The following PTCHD4 variants were observed in gnomAD, a reference collection of about 807,000 sequenced individuals.
PTCHD4 encodes patched domain-containing protein 4.
Under a neutral mutation model 58.1 loss-of-function variants are expected in PTCHD4, and 33 were observed. The ratio of observed to expected loss-of-function variants is 0.57; its 90% CI spans 0.43 to 0.76. The LOEUF (loss-of-function observed/expected upper bound fraction) is 0.76. PTCHD4 is among the 30% of genes least tolerant of loss of function. The pLI is 0.00. For synonymous variants in PTCHD4, 478 were observed against 409.6 expected (o/e 1.17, Z -2.02); for missense variants, 1,058 against 1,027.1 (o/e 1.03, Z -0.41).
chr6:48,029,825 T>G (rs1465615737), intron 3 of PTCHD4, among the ~76,000 whole-genome samples: 1 of 152,142 alleles, frequency 6.6e-6, no homozygotes, highest in Non-Finnish European at 1.5e-5. Context: ...AAATCAGATA[T>G]GACCACAGAG....
chr6:47,888,272 G>A (rs1175323181), intron 4 of PTCHD4, among the ~76,000 whole-genome samples: 1 of 152,172 alleles, frequency 6.6e-6, no homozygotes, highest in Non-Finnish European at 1.5e-5. Flanking sequence ...CAGGAGAATG[G>A]GGTGAACCCG....
chr6:47,934,646 G>A (rs1212360896), intron 4 of PTCHD4, among the ~76,000 whole-genome samples: 1 of 152,040 alleles, frequency 6.6e-6, no homozygotes, highest in Non-Finnish European at 1.5e-5. Flanking sequence ...TAGACTCCTA[G>A]AACTGTATTT....
At chr6:47,963,221 C>G (rs1767164173) in intron 4 of PTCHD4, among the ~76,000 whole-genome samples, 1 of 150,694 alleles carries the variant, frequency 6.6e-6, no homozygotes. Flanking sequence ...TAAACACATG[C>G]CAACAAATAT....
chr6:47,994,229 G>A (rs913243397), intron 4 of PTCHD4, among the ~76,000 whole-genome samples: 1 of 152,118 alleles, frequency 6.6e-6, no homozygotes, highest in Non-Finnish European at 1.5e-5. Flanking sequence ...AGAAAGGTGG[G>A]AAGAAAATAT....
rs890231020 is a variant in PTCHD4 at position 47,870,938 on chromosome 6, T to A, written c.*7365A>T. ...TAATAGAGTATTTTAGAAGGAATAT[T>A]GTTATGGGTAAAGACATCTGGAATT... On this transcript the variant is annotated 3_prime_UTR_variant, in exon 5 of 5. Coordinates refer to ENST00000339488, the MANE Select transcript of PTCHD4 (RefSeq NM_001384253.1). Among the ~76,000 whole-genome samples, 1 of 151,536 alleles carries A rather than the reference T, an allele frequency of 6.6e-6. No homozygotes were observed. Among genetic ancestry groups the A allele is most frequent in the African/African-American group, 2.4e-5 (1 of 41,340 alleles).
Position 47,868,160 on chromosome 6 carries a change from G to A in PTCHD4, c.*10143C>T, listed in dbSNP as rs1267654409. Among the ~76,000 whole-genome samples, 1 of 151,466 alleles carries A rather than the reference G, an allele frequency of 6.6e-6. No homozygotes were observed. The highest frequency in any genetic ancestry group is 1.5e-5 in the Non-Finnish European group (1 of 67,732). ...TTTAGTCCCTTCTTCAACAGTTTTA[G>A]ATCCGTTTTAAAATTTTTTCTCACT... is the stretch of plus-strand genomic sequence containing the variant. On this transcript the variant is annotated 3_prime_UTR_variant, in exon 5 of 5. Transcript: ENST00000339488.
At chr6:47,888,496 CTT>C (rs1241714188) in intron 4 of PTCHD4, among the ~76,000 whole-genome samples, 2 of 152,096 alleles carry the variant, frequency 1.3e-5, no homozygotes, top group African/African-American at 2.4e-5. Context: ...AAAAATAAAA[CTT>C]AGTAGCAGAT....
chr6:47,911,655 G>T (rs1303036920), intron 4 of PTCHD4, among the ~76,000 whole-genome samples: 1 of 152,110 alleles, frequency 6.6e-6, no homozygotes, highest in African/African-American at 2.4e-5. Context: ...CATGGAAAGG[G>T]CTCTGAGGAT....
rs190198065 is a variant in PTCHD4 at position 47,863,151 on chromosome 6, A to C, written c.*15152T>G. On this transcript the variant is annotated 3_prime_UTR_variant, in exon 5 of 5. Transcript: ENST00000339488. ...GATTTTTGTGTTGTATCTGAGACTT[A>C]TGTGGTCCCACATGCAGGGGCAGAT... 6.6e-6 allele frequency among the ~76,000 whole-genome samples: 1 copy of C among 152,012 alleles called. No individual in the cohort carries two copies. The highest frequency in any genetic ancestry group is 6.6e-5 in the Admixed American group (1 of 15,240).
intron 1 of PTCHD4, among the ~76,000 whole-genome samples, chr6:48,077,375 CA>C (rs1765080965): frequency 6.6e-6 from 1 of 152,208 alleles, no homozygotes; most frequent in South Asian, 2.1e-4. Context: ...GCTTTGTCTA[CA>C]TTGAAAAGTT....
At position 47,868,575 on chromosome 6, in the gene PTCHD4, T is replaced by C. The variant is rs1381012433; in HGVS notation, c.*9728A>G. ...TGCAAAGCAGACATTGTGTGCTTCA[T>C]AGTTTGGCATGTCAGTTGCCATTTT... On this transcript the variant is annotated 3_prime_UTR_variant, in exon 5 of 5. Transcript: ENST00000339488. 6.6e-6 allele frequency among the ~76,000 whole-genome samples: 1 copy of C among 151,844 alleles called. No homozygotes were observed. Among genetic ancestry groups the C allele is most frequent in the Non-Finnish European group, 1.5e-5 (1 of 67,828 alleles).
intron 1 of PTCHD4, among the ~76,000 whole-genome samples, chr6:48,096,836 G>A (rs1765480745): frequency 6.6e-6 from 1 of 152,054 alleles, no homozygotes; most frequent in South Asian, 2.1e-4. Flanking sequence ...AATATATATT[G>A]CATTAGACAA....
intron 4 of PTCHD4, among the ~76,000 whole-genome samples, chr6:47,988,241 A>G (rs1054088172): frequency 1.8e-4 from 27 of 152,226 alleles, no homozygotes; most frequent in Admixed American, 8.5e-4. Context: ...ATGTTTTCCA[A>G]TTAGTAGTGC....
At chr6:47,896,177 C>G (rs115864505) in intron 4 of PTCHD4, among the ~76,000 whole-genome samples, 4,209 of 152,240 alleles carry the variant, frequency 0.028, 190 homozygotes, top group African/African-American at 0.093. Context: ...AATTGTTATA[C>G]TTCTTTCATT....
chr6:48,070,370 G>A (rs1319608495), intron 1 of PTCHD4, among the ~76,000 whole-genome samples: 1 of 152,014 alleles, frequency 6.6e-6, no homozygotes, highest in Admixed American at 6.6e-5. Flanking sequence ...ACAAGCTAAA[G>A]GACTCCTTGT....
chr6:47,903,496 G>A (rs1343121120), intron 4 of PTCHD4, among the ~76,000 whole-genome samples: 1 of 151,946 alleles, frequency 6.6e-6, no homozygotes, highest in East Asian at 1.9e-4. Flanking sequence ...TGTATTTTTT[G>A]TAGAGATGGA....
At chr6:48,061,643 A>G (rs536870739) in intron 3 of PTCHD4, among the ~76,000 whole-genome samples, 7 of 152,346 alleles carry the variant, frequency 4.6e-5, no homozygotes, top group African/African-American at 1.7e-4. Flanking sequence ...AGAAGCTCCC[A>G]GGTGGTGCTC....
At chr6:48,032,437 C>T (rs530648104) in intron 3 of PTCHD4, among the ~76,000 whole-genome samples, 31 of 151,302 alleles carry the variant, frequency 2.0e-4, no homozygotes, top group African/African-American at 5.8e-4. Context: ...TGTGTGTGTG[C>T]GTGTGTATGT....
chr6:47,927,547 A>G (rs992811679), intron 4 of PTCHD4, among the ~76,000 whole-genome samples: 2 of 152,194 alleles, frequency 1.3e-5, no homozygotes, highest in African/African-American at 4.8e-5. Context: ...TGAAGGGATC[A>G]GAACTGGATC....
Sources: gnomAD v4.1 joint callset for allele counts (sites outside exome capture counted in the v4.1 genomes callset) on GRCh38, gnomAD v4.1.1 for gene constraint, MANE v1.5 for transcripts, NCBI Gene and HGNC (gene_info 2026-07-23, HGNC 2026-07-21) for gene names.